RAP1GAP: variants seen among roughly 807,000 people sequenced by gnomAD.
RAP1GAP encodes the protein rap1 GTPase-activating protein 1.
Under a neutral mutation model 87.2 loss-of-function variants are expected in RAP1GAP, and 35 were observed. The observed-to-expected ratio is 0.40, with a 90% CI of 0.31 to 0.53. RAP1GAP has a LOEUF of 0.53. Ranked by LOEUF, RAP1GAP falls within the 20% of genes least tolerant of loss-of-function variation. RAP1GAP has a pLI of 0.48. For missense variants in RAP1GAP, 734 were observed against 898.9 expected (o/e 0.82, Z 2.35); for synonymous variants, 375 against 363.9 (o/e 1.03, Z -0.35).
intron 1 of RAP1GAP, chr1:21,653,320 G>A (rs1437594728): frequency 6.6e-6 from 1 of 152,250 alleles, no homozygotes. Flanking sequence ...AGGGTTCAGA[G>A]CCTGGACAGG....
intron 1 of RAP1GAP, among the ~76,000 whole-genome samples, chr1:21,656,435 A>AC (rs2096865940): frequency 6.9e-6 from 1 of 145,882 alleles, no homozygotes; most frequent in Non-Finnish European, 1.5e-5. Flanking sequence ...AAAAAAAAAA[A>AC]AAAAAAAAAA....
intron 2 of RAP1GAP, among the ~76,000 whole-genome samples, chr1:21,626,739 G>A (rs964446901): frequency 3.3e-5 from 5 of 152,120 alleles, no homozygotes; most frequent in East Asian, 1.9e-4. Context: ...GGGTGCCCCC[G>A]CCTCTACAAT....
chr1:21,602,742 CA>C, intron 19 of RAP1GAP, 61 bp downstream of exon 19: 1 of 1,442,434 alleles, frequency 6.9e-7, no homozygotes. Context: ...CTTGCTTTGC[CA>C]CCGAATGGGG....
intron 1 of RAP1GAP, among the ~76,000 whole-genome samples, chr1:21,653,750 C>A (rs905562532): frequency 1.3e-5 from 2 of 152,114 alleles, no homozygotes; most frequent in African/African-American, 2.4e-5. Context: ...TAGGCCTGGG[C>A]TATGAGGATG....
At chr1:21,644,531 T>C (rs2095839477) in intron 2 of RAP1GAP, among the ~76,000 whole-genome samples, 1 of 152,140 alleles carries the variant, frequency 6.6e-6, no homozygotes, top group Non-Finnish European at 1.5e-5. Flanking sequence ...GGCAAAGTGC[T>C]CTGAAACACA....
Position 21,597,876 on chromosome 1 carries a change from C to T in RAP1GAP, c.1983+85G>A, listed in dbSNP as rs578191773. 1.6e-3 allele frequency: 2,466 copies of T among 1,496,844 alleles called. 17 individuals carry two copies. Among genetic ancestry groups the T allele is most frequent in the Non-Finnish European group, 1.1e-3 (1,187 of 1,099,512 alleles). 92.7% of individuals were successfully genotyped at this position (1,496,844 alleles called of 1,614,324 possible). ...GCGGGGCCTAGGGGGACCTCTTGGT[C>T]GAGCCTCAGCTCCCAGCCTCCCCGC... On this transcript the variant is annotated intron_variant, in intron 23 of 24. Transcript: ENST00000374765.
chr1:21,628,400 TAAAAAAAAAAAAAAA>T lies in RAP1GAP; in HGVS notation c.-112-2018_-112-2004del, dbSNP rs528098037. Reference sequence around the variant, plus strand: ...CAATATGGTGAAACCCCATCTCTACTAAAAAAAAAAAAAAAAAAAAAAAAAAAAAAAAATACAGGC... The same window carrying T: ...CAATATGGTGAAACCCCATCTCTACTAAAAAAAAAAAAAAAAAATACAGGC... On this transcript the variant is annotated intron_variant, in intron 2 of 24. Coordinates refer to ENST00000374765, the MANE Select transcript of RAP1GAP (RefSeq NM_002885.4). Among the ~76,000 whole-genome samples the T allele has an allele frequency of 1.9e-3, 99 of 52,434 alleles. 1 individual carries two copies. The South Asian group carries it at 0.025, about 13-fold the overall frequency. The allele number at this position is 52,434 out of a possible 152,430, so 34.4% of individuals were successfully genotyped here. A position where few individuals can be genotyped will look rare whatever the true frequency, so the allele number is the denominator to read the frequency against.
chr1:21,617,243 C>T (rs1335190768), intron 7 of RAP1GAP, 63 bp downstream of exon 7: 20 of 1,522,544 alleles, frequency 1.3e-5, no homozygotes, highest in Admixed American at 2.0e-5. Context: ...CCCAGGCCCA[C>T]CTCGAATGGG....
chr1:21,606,285 C>G lies in RAP1GAP; in HGVS notation c.1297-88G>C, dbSNP rs1181568970. ...CCAGGAGCCCAGGCATCTGGTCTCT[C>G]CCCAGCAATGCCACTCTGGGTAAGC... On this transcript the variant is annotated intron_variant, in intron 17 of 24. Transcript: ENST00000374765. The G allele has an allele frequency of 3.5e-5, 52 of 1,496,686 alleles. No homozygotes were observed. In the Admixed American group the frequency reaches 1.1e-3, roughly 30 times the overall value. The allele number at this position is 1,496,686 out of a possible 1,614,324, so 92.7% of individuals were successfully genotyped here.
intron 2 of RAP1GAP, among the ~76,000 whole-genome samples, chr1:21,631,660 T>C (rs1011452944): frequency 1.4e-4 from 21 of 152,108 alleles, no homozygotes; most frequent in African/African-American, 5.1e-4. Flanking sequence ...CACTCCAGCC[T>C]GGGCAACAAG....
rs71569840 is a variant in RAP1GAP at position 21,653,543 on chromosome 1, A to ACTTCCTTCCTTC, written c.-148-3759_-148-3748dup. Among the ~76,000 whole-genome samples the ACTTCCTTCCTTC allele has an allele frequency of 5.8e-3, 715 of 124,120 alleles. 3 individuals carry two copies. Among genetic ancestry groups the ACTTCCTTCCTTC allele is most frequent in the Middle Eastern group, 0.016 (4 of 254 alleles). 81.4% of individuals were successfully genotyped at this position (124,120 alleles called of 152,430 possible). A position where few individuals can be genotyped will look rare whatever the true frequency, so the allele number is the denominator to read the frequency against. ...CTGAAGTTTGCCTGAGAAGGGAGGA[A>ACTTCCTTCCTTC]CTTCCTTCCTTCCTTCCTTCCTTCC... On this transcript the variant is annotated intron_variant, in intron 1 of 24. Transcript: ENST00000374765.
At chr1:21,600,275 C>T (rs968489139) in intron 20 of RAP1GAP, among the ~76,000 whole-genome samples, 1 of 152,210 alleles carries the variant, frequency 6.6e-6, no homozygotes, top group Non-Finnish European at 1.5e-5. Flanking sequence ...CCTGATTCCT[C>T]CTCCCAAGGT....
chr1:21,636,926 G>GAGGA (rs1161056576), intron 2 of RAP1GAP, among the ~76,000 whole-genome samples: 1 of 128,088 alleles, frequency 7.8e-6, no homozygotes, highest in Non-Finnish European at 1.7e-5. Flanking sequence ...GGGAGGGAGG[G>GAGGA]AGGGAGGGAG....
intron 13 of RAP1GAP, among the ~76,000 whole-genome samples, chr1:21,611,114 G>T (rs1171214065): frequency 6.6e-6 from 1 of 152,112 alleles, no homozygotes; most frequent in Non-Finnish European, 1.5e-5. Flanking sequence ...TCCCACCTCT[G>T]CCAAGACTAC....
intron 1 of RAP1GAP, among the ~76,000 whole-genome samples, chr1:21,661,205 T>C (rs974475533): frequency 2.0e-5 from 3 of 149,164 alleles, no homozygotes; most frequent in African/African-American, 7.5e-5. Flanking sequence ...TGAGCTGAGA[T>C]CGCACCACTG....
At chr1:21,637,274 A>G (rs2094909226) in intron 2 of RAP1GAP, among the ~76,000 whole-genome samples, 1 of 149,536 alleles carries the variant, frequency 6.7e-6, no homozygotes, top group Admixed American at 6.7e-5. Flanking sequence ...CTCCCACCTC[A>G]GCCTCCCAAG....
In RAP1GAP at chr1:21,609,720, C is replaced by G. The variant is rs1411117225; in HGVS notation, c.1000-74G>C. The G allele has an allele frequency of 2.6e-6, 3 of 1,150,154 alleles. No homozygotes were observed. The African/African-American group carries it at 4.7e-5, about 18-fold the overall frequency. The allele number at this position is 1,150,154 out of a possible 1,614,324, so 71.2% of individuals were successfully genotyped here. On this transcript the variant is annotated intron_variant, in intron 14 of 24. Transcript: ENST00000374765. The surrounding 1 kb of genome is among the most constrained non-coding windows in gnomAD (Gnocchi z 4.4). The stretch of plus-strand genomic sequence containing the variant: ...TGCCCCACCCAGCCAGAAACCCCTA[C>G]TGTGCCTCCCTGGACTGCCCCTTGG...
rs1645166926 is a variant in RAP1GAP, at chr1:21,596,235, A to G, written c.*1064T>C. 1 of 152,224 alleles carries G rather than the reference A, an allele frequency of 6.6e-6. No homozygotes were observed. The highest frequency in any genetic ancestry group is 1.5e-5 in the Non-Finnish European group (1 of 68,038). The allele number at this position is 152,224 out of a possible 1,614,324, so 9.4% of individuals were successfully genotyped here. A position where few individuals can be genotyped will look rare whatever the true frequency, so the allele number is the denominator to read the frequency against. ...CCAACTCTGGGTACAATAGCGATAAATAGAATTTATTTTATACAACTGTTA... is the reference window on the plus strand; with the variant it reads ...CCAACTCTGGGTACAATAGCGATAAGTAGAATTTATTTTATACAACTGTTA... On this transcript the variant is annotated 3_prime_UTR_variant, in exon 25 of 25. Transcript: ENST00000374765.
chr1:21,614,341 C>T (rs1042202843), intron 7 of RAP1GAP, among the ~76,000 whole-genome samples: 1 of 152,204 alleles, frequency 6.6e-6, no homozygotes, highest in Non-Finnish European at 1.5e-5. Context: ...AGGAGGGAAC[C>T]CTGTACTTTG....
Sources: allele counts gnomAD v4.1 joint callset (sites outside exome capture counted in the v4.1 genomes callset), GRCh38; gene constraint gnomAD v4.1.1; non-coding constraint Gnocchi (gnomAD v3.1); transcripts MANE v1.5; gene names NCBI Gene and HGNC (gene_info 2026-07-23, HGNC 2026-07-21).